HS6ST3: variants seen among roughly 807,000 people sequenced by gnomAD.
HS6ST3 encodes the protein heparan sulfate 6-O-sulfotransferase 3, also known as heparan-sulfate 6-O-sulfotransferase 3.
Under a neutral mutation model 36.7 loss-of-function variants are expected in HS6ST3, and 12 were observed. That is an observed-to-expected ratio of 0.33 (90% confidence interval 0.21 to 0.53). The LOEUF (loss-of-function observed/expected upper bound fraction) is 0.53. Ranked by LOEUF, HS6ST3 falls within the 20% of genes least tolerant of loss-of-function variation. The pLI is 0.95. For missense variants in HS6ST3, 584 were observed against 640.9 expected (o/e 0.91, Z 0.96); for synonymous variants, 240 against 257.5 (o/e 0.93, Z 0.65).
At chr13:96,720,846 G>A (rs1377240420) in intron 1 of HS6ST3, among the ~76,000 whole-genome samples, 7 of 152,124 alleles carry the variant, frequency 4.6e-5, no homozygotes, top group Non-Finnish European at 1.0e-4. Context: ...TTAGGAAGTC[G>A]TGTTTTATGT....
chr13:96,607,482 G>A (rs2138986230), intron 1 of HS6ST3, among the ~76,000 whole-genome samples: 1 of 152,272 alleles, frequency 6.6e-6, no homozygotes, highest in East Asian at 1.9e-4. Context: ...TAACTAGAGA[G>A]ACATCATAAG....
At chr13:96,518,685 T>A (rs4771955) in intron 1 of HS6ST3, among the ~76,000 whole-genome samples, 10 of 152,122 alleles carry the variant, frequency 6.6e-5, no homozygotes, top group Admixed American at 3.9e-4. Context: ...CATTTGCAGG[T>A]TTTTTAAGCT....
chr13:96,794,324 A>G (rs978931842), intron 1 of HS6ST3, among the ~76,000 whole-genome samples: 5 of 152,106 alleles, frequency 3.3e-5, no homozygotes, highest in Admixed American at 6.6e-5. Flanking sequence ...AACACATCTG[A>G]TAAGTATTCC....
At chr13:96,530,388 A>G (rs1270325751) in intron 1 of HS6ST3, among the ~76,000 whole-genome samples, 2 of 152,206 alleles carry the variant, frequency 1.3e-5, no homozygotes, top group Non-Finnish European at 2.9e-5. Flanking sequence ...AGGTTCTGGA[A>G]AGATAAGATA....
chr13:96,457,592 G>A (rs2055760289), intron 1 of HS6ST3, among the ~76,000 whole-genome samples: 1 of 151,990 alleles, frequency 6.6e-6, no homozygotes, highest in Non-Finnish European at 1.5e-5. Flanking sequence ...AAATTGGATT[G>A]GACAGTATTG....
At chr13:96,221,724 G>A (rs1005940107) in intron 1 of HS6ST3, among the ~76,000 whole-genome samples, 4 of 152,060 alleles carry the variant, frequency 2.6e-5, no homozygotes, top group African/African-American at 4.8e-5. Flanking sequence ...GAAGGAACAA[G>A]GCTATTGACA....
rs1448756184 is a variant in HS6ST3, at chr13:96,090,778, G to C, written c.-85G>C. On this transcript the variant is annotated 5_prime_UTR_variant, in exon 1 of 2. Coordinates refer to ENST00000376705, the MANE Select transcript of HS6ST3 (RefSeq NM_153456.4). ...ACGGCGGGCTCCGAGCCGCGCCCCGGAGTCCGCGAAACTTCCGAGCGGGCG... is the reference window on the plus strand; with the variant it reads ...ACGGCGGGCTCCGAGCCGCGCCCCGCAGTCCGCGAAACTTCCGAGCGGGCG... 3.4e-6 allele frequency: 4 copies of C among 1,162,334 alleles called. No homozygotes were observed. In the Admixed American group the frequency reaches 1.7e-4, roughly 48 times the overall value. 72.0% of individuals were successfully genotyped at this position (1,162,334 alleles called of 1,614,324 possible).
chr13:96,197,796 T>C (rs975137173), intron 1 of HS6ST3, among the ~76,000 whole-genome samples: 4 of 152,112 alleles, frequency 2.6e-5, no homozygotes, highest in Non-Finnish European at 5.9e-5. Flanking sequence ...CCAGCTTTCA[T>C]GGGCTGGGGT....
In HS6ST3 at chr13:96,612,535, A is replaced by G. The variant is rs114387448; in HGVS notation, c.708-219955A>G. 5.7e-3 allele frequency among the ~76,000 whole-genome samples: 873 copies of G among 152,122 alleles called. 5 individuals carry two copies. The highest frequency in any genetic ancestry group is 0.02 in the African/African-American group (813 of 41,492). The stretch of plus-strand genomic sequence containing the variant: ...CCCTAATCCCAGACTCATATATCCA[A>G]CTGCTTACTGGGCATCTAATAAATG... On this transcript the variant is annotated intron_variant, in intron 1 of 1. Transcript: ENST00000376705.
intron 1 of HS6ST3, among the ~76,000 whole-genome samples, chr13:96,754,698 A>G (rs1206699996): frequency 6.6e-6 from 1 of 152,192 alleles, no homozygotes; most frequent in Non-Finnish European, 1.5e-5. Flanking sequence ...CAGTGTTTCA[A>G]AGAAACTTGG....
intron 1 of HS6ST3, among the ~76,000 whole-genome samples, chr13:96,604,784 T>C (rs2056432873): frequency 6.6e-6 from 1 of 152,220 alleles, no homozygotes; most frequent in South Asian, 2.1e-4. Context: ...TTACTTTGTT[T>C]CTTCTTTATT....
chr13:96,184,129 A>G (rs1383898358), intron 1 of HS6ST3, among the ~76,000 whole-genome samples: 1 of 142,206 alleles, frequency 7.0e-6, no homozygotes, highest in East Asian at 2.3e-4. Flanking sequence ...TGAACCTGGC[A>G]GGGGGAGGTT....
chr13:96,803,284 A>G (rs989504321), intron 1 of HS6ST3, among the ~76,000 whole-genome samples: 2 of 152,202 alleles, frequency 1.3e-5, no homozygotes, highest in Non-Finnish European at 2.9e-5. Flanking sequence ...AAAGTACAAA[A>G]TAACAACACT....
chr13:96,650,866 C>G (rs181681026), intron 1 of HS6ST3, among the ~76,000 whole-genome samples: 30 of 152,184 alleles, frequency 2.0e-4, no homozygotes, highest in Admixed American at 2.0e-3. Context: ...TCCATTCATT[C>G]TGTCCATTAA....
At chr13:96,547,544 C>G (rs1274953676) in intron 1 of HS6ST3, among the ~76,000 whole-genome samples, 1 of 152,026 alleles carries the variant, frequency 6.6e-6, no homozygotes, top group Non-Finnish European at 1.5e-5. Flanking sequence ...CTTAGATTAA[C>G]TTTAGTGGTT....
chr13:96,707,642 G>A (rs968991096), intron 1 of HS6ST3, among the ~76,000 whole-genome samples: 1 of 152,192 alleles, frequency 6.6e-6, no homozygotes, highest in African/African-American at 2.4e-5. Context: ...TGCATATTGA[G>A]TGTGCTTCCT....
chr13:96,576,647 T>G (rs1352431663), intron 1 of HS6ST3, among the ~76,000 whole-genome samples: 2 of 152,102 alleles, frequency 1.3e-5, no homozygotes, highest in Non-Finnish European at 1.5e-5. Flanking sequence ...ATTTTTTTCT[T>G]GTAGAAATGT....
In HS6ST3 at chr13:96,116,680, C is replaced by T. The variant is rs2053895773; in HGVS notation, c.707+25111C>T. 2.0e-5 allele frequency among the ~76,000 whole-genome samples: 3 copies of T among 152,178 alleles called. No homozygotes were observed. The South Asian group carries it at 6.2e-4, about 32-fold the overall frequency. Reference sequence around the variant, plus strand: ...CTGAACTTTCAGATACCTGATAGTTCACTCATTATAGCAAGTGATAAATTG... The same window carrying T: ...CTGAACTTTCAGATACCTGATAGTTTACTCATTATAGCAAGTGATAAATTG... On this transcript the variant is annotated intron_variant, in intron 1 of 1. Transcript: ENST00000376705.
intron 1 of HS6ST3, among the ~76,000 whole-genome samples, chr13:96,769,452 C>A (rs143329949): frequency 8.6e-6 from 1 of 115,902 alleles, no homozygotes; most frequent in South Asian, 3.8e-4. Flanking sequence ...CCCCCTCCCC[C>A]CACCCCCCCA....
Sources: allele counts gnomAD v4.1 joint callset (sites outside exome capture counted in the v4.1 genomes callset), GRCh38; gene constraint gnomAD v4.1.1; transcripts MANE v1.5; gene names NCBI Gene and HGNC (gene_info 2026-07-23, HGNC 2026-07-21).